The following FGF13 variants were observed in gnomAD, a reference collection of about 807,000 sequenced individuals.
FGF13 encodes fibroblast growth factor 13, also known as fibroblast growth factor homologous factor 2.
FGF13 carries 2 observed loss-of-function variants against 19.5 expected under a neutral mutation model. That is an observed-to-expected ratio of 0.10 (90% CI 0.04 to 0.32). FGF13 has a LOEUF of 0.32. FGF13 is among the 10% of genes least tolerant of loss of function. The pLI is 1.00. For synonymous variants in FGF13, 72 were observed against 76.9 expected (o/e 0.94, Z 0.33); for missense variants, 113 against 192.7 (o/e 0.59, Z 2.45).
chrX:138,659,876 G>A (rs2089473126), intron 3 of FGF13, among the ~76,000 whole-genome samples: 1 of 111,038 alleles, frequency 9.0e-6, no homozygotes, highest in Non-Finnish European at 1.9e-5. Flanking sequence ...CATGGACACA[G>A]GCAGGGGAAC....
chrX:138,998,927 AG>A (rs2092058475), intron 1 of FGF13, among the ~76,000 whole-genome samples: 1 of 112,250 alleles, frequency 8.9e-6, no homozygotes, highest in East Asian at 2.8e-4. Flanking sequence ...TTGATCACAT[AG>A]TTGGAAGTAA....
At chrX:138,679,530 T>C (rs1352227185) in intron 3 of FGF13, among the ~76,000 whole-genome samples, 1 of 112,227 alleles carries the variant, frequency 8.9e-6, no homozygotes, top group East Asian at 2.8e-4. Context: ...AAAGTGAATA[T>C]TGCAATAAAG....
At chrX:138,646,227 T>C (rs1336372576) in intron 3 of FGF13, among the ~76,000 whole-genome samples, 1 of 112,242 alleles carries the variant, frequency 8.9e-6, no homozygotes, top group Non-Finnish European at 1.9e-5. Context: ...TTGGTAGACT[T>C]TTAAAAAAAT....
intron 1 of FGF13, among the ~76,000 whole-genome samples, chrX:138,986,830 T>C (rs2091996378): frequency 8.9e-6 from 1 of 112,284 alleles, no homozygotes; most frequent in Admixed American, 9.5e-5. Context: ...TGTCACATGA[T>C]ATTATAAAAA....
chrX:138,911,507 A>G (rs1341658595), intron 1 of FGF13, among the ~76,000 whole-genome samples: 1 of 111,037 alleles, frequency 9.0e-6, no homozygotes, highest in African/African-American at 3.3e-5. Flanking sequence ...AAAATAATTA[A>G]TGGATACTAG....
At chrX:139,009,441 G>A (rs1016026761) in intron 1 of FGF13, among the ~76,000 whole-genome samples, 30 of 111,835 alleles carry the variant, frequency 2.7e-4, no homozygotes, top group Non-Finnish European at 4.9e-4. Flanking sequence ...CTTATCAGAT[G>A]AACGCAGATT....
chrX:138,795,117 C>A (rs1029888136), intron 3 of FGF13, among the ~76,000 whole-genome samples: 2 of 111,597 alleles, frequency 1.8e-5, no homozygotes, highest in Non-Finnish European at 3.8e-5. Context: ...TTAATTAACT[C>A]CTACATAGGT....
chrX:138,752,351 C>A (rs922194741), intron 3 of FGF13, among the ~76,000 whole-genome samples: 1 of 110,342 alleles, frequency 9.1e-6, no homozygotes, highest in Non-Finnish European at 1.9e-5. Context: ...CGCTTGAAAC[C>A]GGGGGCAGAG....
At chrX:138,932,059 A>C (rs1402251146) in intron 1 of FGF13, among the ~76,000 whole-genome samples, 1 of 109,167 alleles carries the variant, frequency 9.2e-6, no homozygotes, top group Non-Finnish European at 1.9e-5. Flanking sequence ...AGTTTGCAGC[A>C]GTTCACTCCT....
At chrX:139,049,330 C>A (rs2092297403) in intron 1 of FGF13, among the ~76,000 whole-genome samples, 1 of 111,023 alleles carries the variant, frequency 9.0e-6, no homozygotes, top group Admixed American at 9.6e-5. Flanking sequence ...TACTTCAAAT[C>A]TCTCATACTG....
intron 1 of FGF13, among the ~76,000 whole-genome samples, chrX:139,122,475 C>T (rs1030624165): frequency 9.0e-6 from 1 of 111,491 alleles, no homozygotes; most frequent in Admixed American, 9.5e-5. Context: ...CCAATGATCT[C>T]CACATTGCCA....
At chrX:138,824,553 T>C (rs933034294) in intron 3 of FGF13, among the ~76,000 whole-genome samples, 2 of 111,473 alleles carry the variant, frequency 1.8e-5, no homozygotes, top group African/African-American at 6.5e-5. Flanking sequence ...ACTGACCTAA[T>C]GCAGGTCAAA....
chrX:138,689,291 C>T (rs2089815809), intron 3 of FGF13, among the ~76,000 whole-genome samples: 1 of 111,845 alleles, frequency 8.9e-6, no homozygotes, highest in Non-Finnish European at 1.9e-5. Flanking sequence ...CATTTATCTG[C>T]CAGCATCTTT....
intron 1 of FGF13, among the ~76,000 whole-genome samples, chrX:139,139,654 C>T (rs888406697): frequency 3.6e-5 from 4 of 111,992 alleles, no homozygotes; most frequent in African/African-American, 9.7e-5. Flanking sequence ...TGTAGTAAGA[C>T]CTGTCATCTT....
upstream of FGF13, among the ~76,000 whole-genome samples, chrX:138,715,182 A>G (rs1239956570): frequency 8.9e-6 from 1 of 112,215 alleles, no homozygotes; most frequent in East Asian, 2.8e-4. Context: ...GTTCAGAAAG[A>G]AAGCATTCTT....
At chrX:138,886,232 C>T (rs73241081) in intron 1 of FGF13, among the ~76,000 whole-genome samples, 2,258 of 111,618 alleles carry the variant, frequency 0.02, 24 homozygotes, top group Middle Eastern at 0.061. Flanking sequence ...GACCAAAGCC[C>T]CTACCCCCAC....
At position 139,159,655 on chromosome X, in the gene FGF13, CAAAA is replaced by C. The variant is rs550001786; in HGVS notation, c.-113+43757_-113+43760del. Among the ~76,000 whole-genome samples, 2 of 51,670 alleles carry C rather than the reference CAAAA, an allele frequency of 3.9e-5. 1 individual carries two copies. Among genetic ancestry groups the C allele is most frequent in the Admixed American group, 5.7e-4 (2 of 3,504 alleles). 44.9% of individuals were successfully genotyped at this position (51,670 alleles called of 115,157 possible). The stretch of plus-strand genomic sequence containing the variant: ...GAATATTTACCAAGCAAAGAGAAAG[CAAAA>C]AAAAAAAAAAAAACAGTGTGGGTTA... On this transcript the variant is annotated intron_variant, in intron 1 of 2. Coordinates refer to the FGF13 transcript ENST00000421460.
chrX:138,808,228 T>C (rs1173330837), intron 3 of FGF13, among the ~76,000 whole-genome samples: 1 of 111,603 alleles, frequency 9.0e-6, no homozygotes, highest in Non-Finnish European at 1.9e-5. Flanking sequence ...GAACAGAAAT[T>C]ATAACAAACT....
intron 1 of FGF13, among the ~76,000 whole-genome samples, chrX:139,026,278 G>A (rs1287444052): frequency 9.0e-6 from 1 of 110,532 alleles, no homozygotes; most frequent in Non-Finnish European, 1.9e-5. Flanking sequence ...GAATTCAGGA[G>A]AGCCACAGCA....
Sources: allele counts gnomAD v4.1 joint callset (sites outside exome capture counted in the v4.1 genomes callset), GRCh38; gene constraint gnomAD v4.1.1; transcripts MANE v1.5; gene names NCBI Gene and HGNC (gene_info 2026-07-23, HGNC 2026-07-21).